Variants in IQCM observed in about 807,000 individuals in gnomAD.
IQCM encodes IQ domain-containing protein M.
In IQCM, 45 loss-of-function variants were observed where a neutral mutation model predicts 57.6. The observed-to-expected ratio is 0.78, with a 90% CI of 0.62 to 1.00. The LOEUF (loss-of-function observed/expected upper bound fraction) is 1.00, where lower values mean the gene tolerates loss of function less well. IQCM is among the 50% of genes least tolerant of loss of function. The probability of loss-of-function intolerance (pLI) is 0.00; values close to 1 mark genes in which losing one functional copy is unlikely to be tolerated. For missense variants in IQCM, 468 were observed against 511.6 expected, an observed-to-expected ratio of 0.91 and a Z score of 0.82; for synonymous variants, 148 against 158.9, an observed-to-expected ratio of 0.93 and a Z score of 0.51.
intron 13 of IQCM, among the ~76,000 whole-genome samples, chr4:149,431,283 A>G (rs1734835024): frequency 1.3e-5 from 2 of 152,110 alleles, no homozygotes; most frequent in South Asian, 2.1e-4. Context: ...TATTTGTACT[A>G]GCATGATATT....
At chr4:149,430,348 A>G (rs1051216862) in intron 13 of IQCM, among the ~76,000 whole-genome samples, 2 of 152,004 alleles carry the variant, frequency 1.3e-5, no homozygotes, top group Non-Finnish European at 1.5e-5. Context: ...CTTTCTTTTT[A>G]TAGATTTATT....
chr4:149,387,062 C>A (rs1247947690), intron 13 of IQCM, among the ~76,000 whole-genome samples: 2 of 152,012 alleles, frequency 1.3e-5, no homozygotes, highest in Non-Finnish European at 2.9e-5. Flanking sequence ...GCTGCTATAA[C>A]AACATACCAT....
intron 5 of IQCM, among the ~76,000 whole-genome samples, chr4:149,694,255 C>T (rs1186300680): frequency 5.7e-5 from 7 of 121,878 alleles, no homozygotes; most frequent in Non-Finnish European, 9.7e-5. Context: ...GACGGAGTCT[C>T]GCTCTGTCGC....
chr4:149,355,361 T>G (rs1229341960), intron 13 of IQCM, among the ~76,000 whole-genome samples: 1 of 151,726 alleles, frequency 6.6e-6, no homozygotes, highest in East Asian at 1.9e-4. Context: ...TCATTTAGCA[T>G]TAGGTATATC....
chr4:149,403,888 T>C (rs1015263904), intron 13 of IQCM, among the ~76,000 whole-genome samples: 1 of 152,046 alleles, frequency 6.6e-6, no homozygotes, highest in African/African-American at 2.4e-5. Context: ...TTTTTAAATA[T>C]TCACAACCAT....
chr4:149,479,738 G>C (rs1740573307), intron 12 of IQCM, among the ~76,000 whole-genome samples: 1 of 152,164 alleles, frequency 6.6e-6, no homozygotes, highest in Non-Finnish European at 1.5e-5. Flanking sequence ...TGGGATGATG[G>C]AGTGCAGAGT....
chr4:149,577,677 G>C (rs200831010), intron 9 of IQCM, among the ~76,000 whole-genome samples: 1 of 151,246 alleles, frequency 6.6e-6, no homozygotes, highest in East Asian at 2.0e-4. Context: ...CCTCTAGTTT[G>C]TTCATTTTGC....
At chr4:149,451,185 TGCGAA>T (rs1737079181) in intron 12 of IQCM, among the ~76,000 whole-genome samples, 1 of 151,662 alleles carries the variant, frequency 6.6e-6, no homozygotes, top group Admixed American at 6.6e-5. Flanking sequence ...TTCCAGAGGC[TGCGAA>T]GGGAAGGGAA....
At chr4:149,375,521 A>C in intron 13 of IQCM, among the ~76,000 whole-genome samples, 1 of 152,302 alleles carries the variant, frequency 6.6e-6, no homozygotes, top group East Asian at 1.9e-4. Flanking sequence ...ATATATGTGT[A>C]TATATAGTAA....
chr4:149,692,827 A>C (rs2149798494), intron 5 of IQCM, among the ~76,000 whole-genome samples: 1 of 152,270 alleles, frequency 6.6e-6, no homozygotes, highest in South Asian at 2.1e-4. Flanking sequence ...CTAGAATTTC[A>C]GTTCTGAAAT....
In IQCM at chr4:149,815,825, A is replaced by T. The variant is rs1438266871; in HGVS notation, c.-312T>A. 1 of 151,892 alleles carries T rather than the reference A, an allele frequency of 6.6e-6. No homozygotes were observed. Among genetic ancestry groups the T allele is most frequent in the African/African-American group, 2.4e-5 (1 of 41,404 alleles). 9.4% of individuals were successfully genotyped at this position (151,892 alleles called of 1,614,324 possible). A position where few individuals can be genotyped will look rare whatever the true frequency, so the allele number is the denominator to read the frequency against. ...GCCAATCTTCTGATTGCTTCTTCTC[A>T]CATATGCCTGTCTTCTTTGGGCATC... is the stretch of plus-strand genomic sequence containing the variant. On this transcript the variant is annotated 5_prime_UTR_variant, in exon 1 of 14. An upstream open reading frame in the 5' UTR loses its in-frame stop. Coordinates refer to ENST00000636793, the MANE Select transcript of IQCM (RefSeq NM_001363507.2).
At chr4:149,543,271 A>G (rs890467222) in intron 12 of IQCM, among the ~76,000 whole-genome samples, 4 of 152,262 alleles carry the variant, frequency 2.6e-5, no homozygotes, top group Admixed American at 2.0e-4. Flanking sequence ...ACTTATTTAT[A>G]GCTTTGAAAC....
intron 2 of IQCM, among the ~76,000 whole-genome samples, chr4:149,800,365 T>C (rs1773495136): frequency 1.3e-5 from 2 of 152,030 alleles, no homozygotes; most frequent in East Asian, 3.9e-4. Context: ...ATAAAAGCCA[T>C]ATATGACAGA....
intron 13 of IQCM, among the ~76,000 whole-genome samples, chr4:149,379,396 T>G (rs1730922281): frequency 6.6e-6 from 1 of 152,128 alleles, no homozygotes; most frequent in Admixed American, 6.5e-5. Flanking sequence ...GAAGAGAGGC[T>G]GTACCCCACA....
At chr4:149,692,972 C>T (rs111795811) in intron 5 of IQCM, among the ~76,000 whole-genome samples, 7 of 152,138 alleles carry the variant, frequency 4.6e-5, no homozygotes, top group African/African-American at 1.7e-4. Flanking sequence ...GAATGTAAGG[C>T]ATTAAAACTG....
chr4:149,811,358 C>T (rs1264826436), intron 2 of IQCM, among the ~76,000 whole-genome samples: 3 of 152,130 alleles, frequency 2.0e-5, no homozygotes, highest in Non-Finnish European at 4.4e-5. Context: ...TAATGAATAA[C>T]ATATACATAG....
intron 12 of IQCM, among the ~76,000 whole-genome samples, chr4:149,438,647 T>C (rs1466403341): frequency 6.6e-6 from 1 of 152,090 alleles, no homozygotes; most frequent in Non-Finnish European, 1.5e-5. Flanking sequence ...GGATACAAAG[T>C]TATCAATATG....
At chr4:149,715,131 T>C (rs1764880312) in intron 5 of IQCM, among the ~76,000 whole-genome samples, 1 of 152,164 alleles carries the variant, frequency 6.6e-6, no homozygotes, top group Non-Finnish European at 1.5e-5. Flanking sequence ...CCTCTGTGGC[T>C]GGTGGTGCCT....
At chr4:149,601,704 A>T (rs1055862395) in intron 8 of IQCM, among the ~76,000 whole-genome samples, 4 of 152,200 alleles carry the variant, frequency 2.6e-5, no homozygotes, top group Non-Finnish European at 5.9e-5. Context: ...GTTTTAGTAC[A>T]TTACAGTCAA....
Sources: allele counts gnomAD v4.1 joint callset (sites outside exome capture counted in the v4.1 genomes callset), GRCh38; gene constraint gnomAD v4.1.1; transcripts MANE v1.5; gene names NCBI Gene and HGNC (gene_info 2026-07-23, HGNC 2026-07-21).